Variants in PHF24 observed in about 807,000 individuals in gnomAD.
PHF24 encodes the protein Galpha inhibitory interacting protein.
PHF24 carries 25 observed loss-of-function variants against 42.6 expected under a neutral mutation model. The ratio of observed to expected loss-of-function variants is 0.59; its 90% confidence interval spans 0.43 to 0.82. PHF24 has a LOEUF of 0.82. Among genes scored for constraint, PHF24 ranks in the 40% least tolerant of loss-of-function variants. PHF24 has a pLI of 0.00. For synonymous variants in PHF24, 185 were observed against 204.8 expected, an observed-to-expected ratio of 0.90 and a Z score of 0.83; for missense variants, 470 against 538.1, an observed-to-expected ratio of 0.87 and a Z score of 1.25.
chr9:34,937,034 GCCC>G, the PHF24 span, among the ~76,000 whole-genome samples: 3 of 135,260 alleles, frequency 2.2e-5, no homozygotes, highest in African/African-American at 8.2e-5. Flanking sequence ...GGGGGGGTCA[GCCC>G]CCCCCCCGGG....
chr9:34,673,723 G>A, the PHF24 span, among the ~76,000 whole-genome samples: 831 of 151,758 alleles, frequency 5.5e-3, 8 homozygotes, highest in African/African-American at 0.019. Context: ...CCAGGTTCAC[G>A]CCATTCTCCT....
the PHF24 span, among the ~76,000 whole-genome samples, chr9:34,695,187 C>T: frequency 1.4e-4 from 22 of 152,144 alleles, no homozygotes; most frequent in Non-Finnish European, 3.1e-4. Flanking sequence ...GGGGTTGAAA[C>T]TTGAGTTGAT....
the PHF24 span, among the ~76,000 whole-genome samples, chr9:34,770,372 CTT>C: frequency 2.0e-5 from 3 of 152,178 alleles, no homozygotes; most frequent in Non-Finnish European, 4.4e-5. Context: ...ATGGCACACT[CTT>C]TTGGCAAGAT....
intron 1 of PHF24, among the ~76,000 whole-genome samples, chr9:34,960,980 GA>G (rs1432343193): frequency 6.6e-6 from 1 of 152,130 alleles, no homozygotes. Context: ...TTACTGTCTG[GA>G]TTTCTCAACC....
chr9:34,727,455 T>A, the PHF24 span, among the ~76,000 whole-genome samples: 1 of 152,190 alleles, frequency 6.6e-6, no homozygotes, highest in African/African-American at 2.4e-5. Context: ...GGGTATTTGG[T>A]ACCCGTAATG....
the PHF24 span, among the ~76,000 whole-genome samples, chr9:34,886,926 T>G: frequency 6.6e-6 from 1 of 152,186 alleles, no homozygotes; most frequent in African/African-American, 2.4e-5. Flanking sequence ...ATGCCCAAAT[T>G]GTCTAAGCAA....
the PHF24 span, among the ~76,000 whole-genome samples, chr9:34,779,469 T>A: frequency 6.6e-6 from 1 of 152,190 alleles, no homozygotes; most frequent in African/African-American, 2.4e-5. Flanking sequence ...ACAATCCTTA[T>A]CAAAATTTCA....
the PHF24 span, among the ~76,000 whole-genome samples, chr9:34,810,346 A>ACCGCCGCCATGAAGAC: frequency 1.3e-5 from 2 of 152,062 alleles, no homozygotes; most frequent in East Asian, 3.9e-4. Flanking sequence ...GCTGCGGGGA[A>ACCGCCGCCATGAAGAC]CCGCCGCCAT....
the PHF24 span, chr9:34,724,474 C>T: frequency 1.6e-4 from 253 of 1,551,752 alleles, 1 homozygote; most frequent in African/African-American, 3.3e-3. Flanking sequence ...TGGATATGTT[C>T]TCTGGTGCTG....
chr9:34,848,930 G>C, the PHF24 span, among the ~76,000 whole-genome samples: 5,753 of 151,860 alleles, frequency 0.038, 271 homozygotes, highest in African/African-American at 0.099. Context: ...TTTCTTAATT[G>C]TGAGTTCTAG....
chr9:34,757,379 C>G, the PHF24 span, among the ~76,000 whole-genome samples: 3 of 150,948 alleles, frequency 2.0e-5, no homozygotes, highest in Non-Finnish European at 4.4e-5. Context: ...GATTTTGTAT[C>G]CTGCAACTTT....
At chr9:34,784,675 A>C in the PHF24 span, among the ~76,000 whole-genome samples, 1 of 152,240 alleles carries the variant, frequency 6.6e-6, no homozygotes, top group Non-Finnish European at 1.5e-5. Context: ...GATCTTTAAC[A>C]GGTGGCAAAG....
chr9:34,872,510 C>T, the PHF24 span, among the ~76,000 whole-genome samples: 1 of 151,158 alleles, frequency 6.6e-6, no homozygotes, highest in African/African-American at 2.4e-5. Context: ...CCCAATTTCA[C>T]CCATGTCCCT....
At chr9:34,835,868 A>T in the PHF24 span, 3 of 1,117,556 alleles carry the variant, frequency 2.7e-6, no homozygotes, top group Non-Finnish European at 4.0e-6. Flanking sequence ...GATACACTAG[A>T]CAGAGACAAG....
the PHF24 span, among the ~76,000 whole-genome samples, chr9:34,908,621 GA>G: frequency 6.6e-6 from 1 of 152,056 alleles, no homozygotes; most frequent in Non-Finnish European, 1.5e-5. Context: ...ATGTCTCTGG[GA>G]AAAGGGAACA....
chr9:34,966,082 A>G (rs796804167), intron 1 of PHF24, among the ~76,000 whole-genome samples: 30 of 152,348 alleles, frequency 2.0e-4, no homozygotes, highest in African/African-American at 7.2e-4. Context: ...GATACTGTCA[A>G]ACTCACTGTT....
At chr9:34,699,871 A>G in the PHF24 span, among the ~76,000 whole-genome samples, 1 of 152,334 alleles carries the variant, frequency 6.6e-6, no homozygotes, top group Admixed American at 6.5e-5. Context: ...AACAAGAAAA[A>G]TCTATACTAT....
At chr9:34,688,313 C>T in the PHF24 span, among the ~76,000 whole-genome samples, 10 of 152,264 alleles carry the variant, frequency 6.6e-5, 1 homozygote, top group East Asian at 1.7e-3. Flanking sequence ...CTGGAGAGGC[C>T]CTTAGAGAAC....
chr9:34,905,445 A>G, the PHF24 span, among the ~76,000 whole-genome samples: 2 of 152,268 alleles, frequency 1.3e-5, no homozygotes, highest in Admixed American at 1.3e-4. Flanking sequence ...GTGAATTCTG[A>G]TAACTTAAAA....
Sources: gnomAD v4.1 joint callset for allele counts (sites outside exome capture counted in the v4.1 genomes callset) on GRCh38, gnomAD v4.1.1 for gene constraint, MANE v1.5 for transcripts, NCBI Gene and HGNC (gene_info 2026-07-23, HGNC 2026-07-21) for gene names.